Variants in ADAMTS6 observed in about 807,000 individuals in gnomAD.
ADAMTS6 encodes the protein ADAM metallopeptidase with thrombospondin type 1 motif 6.
Under a neutral mutation model 144.3 loss-of-function variants are expected in ADAMTS6, and 23 were observed. The ratio of observed to expected loss-of-function variants is 0.16; its 90% confidence interval spans 0.11 to 0.23. The LOEUF is 0.23. Ranked by LOEUF, ADAMTS6 falls within the 10% of genes least tolerant of loss-of-function variation. The pLI is 1.00. For synonymous variants in ADAMTS6, 444 were observed against 457.5 expected, an observed-to-expected ratio of 0.97 and a Z score of 0.38; for missense variants, 999 against 1,379.6, an observed-to-expected ratio of 0.72 and a Z score of 4.37.
At chr5:65,159,297 T>G (rs1351266897) in intron 24 of ADAMTS6, among the ~76,000 whole-genome samples, 1 of 152,186 alleles carries the variant, frequency 6.6e-6, no homozygotes, top group African/African-American at 2.4e-5. Context: ...GTTACCCTTC[T>G]GTCATCCTGA....
chr5:65,286,458 C>A (rs1471333448), intron 11 of ADAMTS6, among the ~76,000 whole-genome samples: 2 of 152,092 alleles, frequency 1.3e-5, no homozygotes, highest in Non-Finnish European at 2.9e-5. Context: ...GTAACATGTA[C>A]AACACACTAT....
At chr5:65,368,439 A>G (rs1344972196) in intron 7 of ADAMTS6, among the ~76,000 whole-genome samples, 2 of 152,222 alleles carry the variant, frequency 1.3e-5, no homozygotes. Flanking sequence ...CCTCTACTAA[A>G]GAGACATGAA....
chr5:65,192,493 A>G (rs1040073927), intron 21 of ADAMTS6, among the ~76,000 whole-genome samples: 1 of 152,028 alleles, frequency 6.6e-6, no homozygotes, highest in African/African-American at 2.4e-5. Flanking sequence ...TCACTCAAGG[A>G]TTCTTCACAT....
chr5:65,273,502 C>A, intron 11 of ADAMTS6, 55 bp from the exon 12 acceptor site: 1 of 1,375,186 alleles, frequency 7.3e-7, no homozygotes, highest in South Asian at 1.2e-5. Context: ...TCCAATTCTT[C>A]CATAAAATAC....
intron 7 of ADAMTS6, among the ~76,000 whole-genome samples, chr5:65,340,085 T>C (rs1340797792): frequency 6.6e-6 from 1 of 152,042 alleles, no homozygotes; most frequent in Non-Finnish European, 1.5e-5. Context: ...ATAGTCAAAT[T>C]GTCAAAAGTC....
intron 11 of ADAMTS6, among the ~76,000 whole-genome samples, chr5:65,284,327 G>A (rs890260950): frequency 6.6e-6 from 1 of 151,892 alleles, no homozygotes; most frequent in African/African-American, 2.4e-5. Context: ...ATTCAGGTAG[G>A]CACAGCTTGA....
chr5:65,243,925 C>G (rs1759421018), intron 14 of ADAMTS6, among the ~76,000 whole-genome samples: 1 of 151,348 alleles, frequency 6.6e-6, no homozygotes, highest in Non-Finnish European at 1.5e-5. Flanking sequence ...GCATGGCTTT[C>G]AACTTTGTTG....
chr5:65,469,376 A>G (rs576252113), intron 3 of ADAMTS6, among the ~76,000 whole-genome samples: 6 of 152,332 alleles, frequency 3.9e-5, no homozygotes, highest in African/African-American at 1.4e-4. Context: ...TCACCCTGTT[A>G]AAACTAGCAA....
chr5:65,436,082 G>GCTTAATTAGAAAGCTTAATTTCTAAA (rs1336825100), intron 7 of ADAMTS6, among the ~76,000 whole-genome samples: 3 of 151,780 alleles, frequency 2.0e-5, no homozygotes, highest in Non-Finnish European at 4.4e-5. Context: ...TTAATTAGGG[G>GCTTAATTAGAAAGCTTAATTTCTAAA]GCTGGGCACT....
intron 9 of ADAMTS6, among the ~76,000 whole-genome samples, chr5:65,308,257 C>T (rs1744127932): frequency 1.3e-5 from 2 of 152,124 alleles, no homozygotes; most frequent in Admixed American, 1.3e-4. Context: ...GTTATGTGTG[C>T]TTTTGTTAAG....
chr5:65,405,893 C>A (rs145414931), intron 7 of ADAMTS6, among the ~76,000 whole-genome samples: 5,892 of 151,988 alleles, frequency 0.039, 406 homozygotes, highest in African/African-American at 0.13. Context: ...TAGGTATTTT[C>A]TTCTCTCTGA....
chr5:65,339,455 C>CAAAAAAAA (rs538468970), intron 7 of ADAMTS6, among the ~76,000 whole-genome samples: 54 of 108,666 alleles, frequency 5.0e-4, no homozygotes, highest in African/African-American at 1.5e-3. Context: ...ATAAAAAAAG[C>CAAAAAAAA]AAAAAAAAAA....
chr5:65,193,258 C>T (rs1034057725), intron 21 of ADAMTS6, among the ~76,000 whole-genome samples: 1 of 151,600 alleles, frequency 6.6e-6, no homozygotes, highest in Admixed American at 6.6e-5. Context: ...ATCAAAACAC[C>T]ATAAATAACA....
intron 3 of ADAMTS6, among the ~76,000 whole-genome samples, chr5:65,462,813 G>A (rs1759723494): frequency 6.6e-6 from 1 of 152,122 alleles, no homozygotes; most frequent in South Asian, 2.1e-4. Flanking sequence ...TTGGCGTGGT[G>A]GGTCATACCT....
chr5:65,470,911 T>C lies in ADAMTS6; in HGVS notation c.329A>G (p.His110Arg). 1 of 1,612,618 alleles carries C rather than the reference T, an allele frequency of 6.2e-7. No homozygotes were observed. Residue 110 changes from histidine (H) to arginine (R), a missense_variant, in exon 3 of 25, where the codon CAT becomes CGT. His to Arg is a conservative substitution (Grantham distance 29). This residue lies in a region of ADAMTS6 where 252 missense variants were observed against 293.7 expected (regional missense o/e 0.86). Transcript: ENST00000381055. ...TTTCCCCCAATATTCTACTGTAAAA[T>C]GTTTGGACACAAAATCTGTGTTGAG... ...LTLNTDFVSK[H>R]FTVEYWGKDG...
Position 65,473,749 on chromosome 5 carries a change from T to C in ADAMTS6, c.-76A>G. 9.0e-7 allele frequency: 1 copy of C among 1,113,290 alleles called. No homozygotes were observed. Among genetic ancestry groups the C allele is most frequent in the Non-Finnish European group, 1.3e-6 (1 of 745,238 alleles). The allele number at this position is 1,113,290 out of a possible 1,614,324, so 69.0% of individuals were successfully genotyped here. A position where few individuals can be genotyped will look rare whatever the true frequency, so the allele number is the denominator to read the frequency against. ...TCAATACCATACCAAAATCGAAGCATAACAATTTTATTTCTTTAAAACTTC... is the reference window on the plus strand; with the variant it reads ...TCAATACCATACCAAAATCGAAGCACAACAATTTTATTTCTTTAAAACTTC... On this transcript the variant is annotated 5_prime_UTR_variant, in exon 2 of 25. An upstream start codon of the reference 5' UTR is lost. Transcript: ENST00000381055.
At chr5:65,263,443 G>T (rs893801365) in intron 12 of ADAMTS6, among the ~76,000 whole-genome samples, 1 of 147,076 alleles carries the variant, frequency 6.8e-6, no homozygotes, top group African/African-American at 2.5e-5. Context: ...GCCGGTTGAG[G>T]CTACAATAGT....
At chr5:65,168,922 C>A (rs1753406307) in intron 24 of ADAMTS6, among the ~76,000 whole-genome samples, 1 of 145,186 alleles carries the variant, frequency 6.9e-6, no homozygotes, top group Non-Finnish European at 1.5e-5. Context: ...GACCTAAAAC[C>A]ATAAAAACCC....
At chr5:65,245,663 T>C (rs1180254509) in intron 14 of ADAMTS6, among the ~76,000 whole-genome samples, 2 of 152,126 alleles carry the variant, frequency 1.3e-5, no homozygotes, top group Non-Finnish European at 2.9e-5. Flanking sequence ...AAAGATAGGT[T>C]TCCACATAAT....
Sources: allele counts gnomAD v4.1 joint callset (sites outside exome capture counted in the v4.1 genomes callset), GRCh38; gene constraint gnomAD v4.1.1; regional missense constraint gnomAD v4.1.1; transcripts MANE v1.5; gene names NCBI Gene and HGNC (gene_info 2026-07-23, HGNC 2026-07-21).